Variants in CENPA observed in about 807,000 individuals in gnomAD.
CENPA encodes centromere protein A.
Under a neutral mutation model 17.2 loss-of-function variants are expected in CENPA, and 7 were observed. The ratio of observed to expected loss-of-function variants is 0.41; its 90% CI spans 0.23 to 0.76. The LOEUF (loss-of-function observed/expected upper bound fraction) is 0.76. Among genes scored for constraint, CENPA ranks in the 30% least tolerant of loss-of-function variants. The pLI, the probability that CENPA is intolerant of heterozygous loss-of-function variation, is 0.34. For synonymous variants in CENPA, 82 were observed against 77.4 expected (o/e 1.06, Z -0.31); for missense variants, 149 against 193.1 (o/e 0.77, Z 1.35).
At position 26,793,192 on chromosome 2, in the gene CENPA, C is replaced by T. The variant is rs749684289; in HGVS notation, c.336C>T (p.Leu112=). The T allele has an allele frequency of 2.5e-6, 4 of 1,614,200 alleles. No homozygotes were observed. In the Admixed American group the frequency reaches 6.7e-5, roughly 27 times the overall value. Residue 112 remains leucine (L), a synonymous_variant, in exon 4 of 5, where the codon CTC becomes CTT. Transcript: ENST00000335756. Reference sequence around the variant, plus strand: ...ATCTCTTTGAGGACGCCTATCTCCTCACCTTACATGCAGGCCGAGTTACTC... The same window carrying T: ...ATCTCTTTGAGGACGCCTATCTCCTTACCTTACATGCAGGCCGAGTTACTC... ...LVHLFEDAYL[L]TLHAGRVTLF...
At chr2:26,787,754 C>T (rs1664538942) in intron 1 of CENPA, among the ~76,000 whole-genome samples, 1 of 152,148 alleles carries the variant, frequency 6.6e-6, no homozygotes, top group Non-Finnish European at 1.5e-5. Context: ...CTAGATGTTG[C>T]TGTTGCGAAT....
intron 2 of CENPA, 53 bp downstream of exon 2, chr2:26,792,293 T>A: frequency 7.0e-7 from 1 of 1,432,284 alleles, no homozygotes; most frequent in Non-Finnish European, 9.7e-7. Flanking sequence ...TTTTTTTAAA[T>A]TTTCCCAGGT....
intron 1 of CENPA, among the ~76,000 whole-genome samples, chr2:26,788,582 G>A (rs911245324): frequency 5.9e-5 from 9 of 152,136 alleles, no homozygotes; most frequent in Admixed American, 2.0e-4. Flanking sequence ...TTCACCTACA[G>A]AGGAGCTTTC....
intron 4 of CENPA, 28 bp downstream of exon 4, chr2:26,793,354 G>T (rs1292570977): frequency 1.3e-6 from 2 of 1,555,298 alleles, no homozygotes; most frequent in Non-Finnish European, 1.7e-6. Flanking sequence ...CACAGGACTG[G>T]GGCTGGAATT....
chr2:26,790,161 C>T (rs907292236), intron 1 of CENPA, among the ~76,000 whole-genome samples: 4 of 152,074 alleles, frequency 2.6e-5, no homozygotes, highest in Non-Finnish European at 4.4e-5. Flanking sequence ...TTTCTTTTCT[C>T]TATTAACTCA....
intron 1 of CENPA, among the ~76,000 whole-genome samples, chr2:26,786,897 G>A (rs1210496655): frequency 6.6e-6 from 1 of 152,168 alleles, no homozygotes; most frequent in Non-Finnish European, 1.5e-5. Context: ...TTGTGTCCGG[G>A]AAAAGGGGCC....
At chr2:26,792,591 C>A (rs770353082) in intron 2 of CENPA, 165 bp from the exon 3 acceptor site, 3 of 733,942 alleles carry the variant, frequency 4.1e-6, no homozygotes, top group African/African-American at 3.5e-5. Flanking sequence ...AGTTCCTAAG[C>A]TCCCAGGAGT....
chr2:26,790,546 G>A (rs369536164), intron 1 of CENPA, among the ~76,000 whole-genome samples: 14 of 152,238 alleles, frequency 9.2e-5, no homozygotes, highest in Middle Eastern at 3.4e-3. Context: ...GGCTGGTCTC[G>A]AACTCCTGAC....
At chr2:26,791,985 G>C (rs1168357174) in intron 1 of CENPA, 146 bp from the exon 2 acceptor site, 3 of 701,850 alleles carry the variant, frequency 4.3e-6, no homozygotes, top group African/African-American at 3.6e-5. Flanking sequence ...AATGACTTTT[G>C]CAGCAACCTA....
intron 1 of CENPA, 63 bp from the exon 2 acceptor site, chr2:26,792,068 C>A: frequency 7.1e-7 from 1 of 1,399,220 alleles, no homozygotes; most frequent in Non-Finnish European, 1.0e-6. Flanking sequence ...GACAGCTTAC[C>A]TGACTCAGCC....
rs576363536 is a variant in CENPA at position 26,790,696 on chromosome 2, T to C, written c.101-1435T>C. ...CTGGTGGTGGGGAGGGAGGGAGGTG[T>C]CAGTAGTTTTTCTCCTGGGCATGGG... On this transcript the variant is annotated intron_variant, in intron 1 of 4. Coordinates refer to ENST00000335756, the MANE Select transcript of CENPA (RefSeq NM_001809.4). 7.9e-5 allele frequency among the ~76,000 whole-genome samples: 12 copies of C among 152,326 alleles called. No individual in the cohort carries two copies. In the South Asian group the frequency reaches 2.1e-3, roughly 26 times the overall value.
intron 2 of CENPA, 145 bp downstream of exon 2, chr2:26,792,385 G>A (rs1572642223): frequency 4.3e-6 from 3 of 695,960 alleles, no homozygotes; most frequent in Non-Finnish European, 7.7e-6. Context: ...CTGAAAACAT[G>A]AGCCCTCCAA....
intron 1 of CENPA, among the ~76,000 whole-genome samples, chr2:26,787,497 G>A (rs1664532209): frequency 6.6e-6 from 1 of 151,462 alleles, no homozygotes. Context: ...TTACAGGCGT[G>A]AGCCACCGCG....
intron 1 of CENPA, among the ~76,000 whole-genome samples, chr2:26,788,769 G>A (rs534068570): frequency 1.3e-5 from 2 of 152,148 alleles, no homozygotes; most frequent in African/African-American, 2.4e-5. Flanking sequence ...TCTACCTCCC[G>A]GGTTCAAGCG....
Position 26,793,301 on chromosome 2 carries a change from G to T in CENPA, c.*22G>T. 1.9e-6 allele frequency: 3 copies of T among 1,612,778 alleles called. No individual in the cohort carries two copies. Among genetic ancestry groups the T allele is most frequent in the Non-Finnish European group, 2.5e-6 (3 of 1,179,778 alleles). On this transcript the variant is annotated 3_prime_UTR_variant, in exon 4 of 5. Coordinates refer to ENST00000335756, the MANE Select transcript of CENPA (RefSeq NM_001809.4). ...CTGAGCTCCTGCACCCAGTGTTTCTGTCAGTCTTTCCTGCTCAGCCAGGGG... is the reference window on the plus strand; with the variant it reads ...CTGAGCTCCTGCACCCAGTGTTTCTTTCAGTCTTTCCTGCTCAGCCAGGGG...
chr2:26,790,527 T>C (rs1166499720), intron 1 of CENPA, among the ~76,000 whole-genome samples: 1 of 152,168 alleles, frequency 6.6e-6, no homozygotes, highest in Non-Finnish European at 1.5e-5. Flanking sequence ...GGTTTCTCCA[T>C]GTTCATCAGG....
chr2:26,793,369 A>G lies in CENPA; in HGVS notation c.*47+43A>G, dbSNP rs913180997. On this transcript the variant is annotated intron_variant, in intron 4 of 4. Coordinates refer to ENST00000335756, the MANE Select transcript of CENPA (RefSeq NM_001809.4). ...CACAGGACTGGGGCTGGAATTTCTC[A>G]AGTAATTTCCTTTCTCCATCCATAG... is the stretch of plus-strand genomic sequence containing the variant. 10 of 1,520,530 alleles carry G rather than the reference A, an allele frequency of 6.6e-6. No homozygotes were observed. The African/African-American group carries it at 1.4e-4, about 21-fold the overall frequency. 94.2% of individuals were successfully genotyped at this position (1,520,530 alleles called of 1,614,324 possible). A position where few individuals can be genotyped will look rare whatever the true frequency, so the allele number is the denominator to read the frequency against.
intron 2 of CENPA, 100 bp downstream of exon 2, chr2:26,792,340 G>A: frequency 1.1e-6 from 1 of 884,890 alleles, no homozygotes; most frequent in Non-Finnish European, 1.8e-6. Flanking sequence ...AACTGGCCAA[G>A]GGACCTCTTT....
chr2:26,788,003 T>A (rs763213889), intron 1 of CENPA, among the ~76,000 whole-genome samples: 3 of 152,204 alleles, frequency 2.0e-5, no homozygotes, highest in Admixed American at 6.5e-5. Flanking sequence ...GTCATCTTTG[T>A]CTTGTTTGTA....
Sources: gnomAD v4.1 joint callset for allele counts (sites outside exome capture counted in the v4.1 genomes callset) on GRCh38, gnomAD v4.1.1 for gene constraint, MANE v1.5 for transcripts, NCBI Gene and HGNC (gene_info 2026-07-23, HGNC 2026-07-21) for gene names.